The following KCNQ1 variants were observed in gnomAD, a reference collection of about 807,000 sequenced individuals.
KCNQ1 encodes potassium voltage-gated channel subfamily Q member 1.
Under a neutral mutation model 72.4 loss-of-function variants are expected in KCNQ1, and 49 were observed. The observed-to-expected ratio is 0.68, with a 90% CI of 0.54 to 0.86. KCNQ1 has a LOEUF of 0.86. Ranked by LOEUF, KCNQ1 falls within the 40% of genes least tolerant of loss-of-function variation. The probability of loss-of-function intolerance (pLI) is 0.00; values close to 1 mark genes in which losing one functional copy is unlikely to be tolerated. For missense variants in KCNQ1, 790 were observed against 945.1 expected (o/e 0.84, Z 2.15); for synonymous variants, 450 against 412.6 (o/e 1.09, Z -1.10).
chr11:2,619,379 C>T (rs559268559), intron 10 of KCNQ1: 17 of 398,422 alleles, frequency 4.3e-5, no homozygotes, highest in Non-Finnish European at 7.1e-5. Flanking sequence ...AATTTATCAA[C>T]AAAGGATGTT....
chr11:2,835,821 C>T (rs2134075046), intron 15 of KCNQ1, among the ~76,000 whole-genome samples: 1 of 152,278 alleles, frequency 6.6e-6, no homozygotes, highest in East Asian at 1.9e-4. Flanking sequence ...GGCGGGGCAG[C>T]GGGCTCAGCC....
At chr11:2,578,182 G>A (rs990797563) in intron 6 of KCNQ1, among the ~76,000 whole-genome samples, 8 of 152,342 alleles carry the variant, frequency 5.3e-5, no homozygotes, top group South Asian at 2.1e-4. Flanking sequence ...CAGGCAGCCC[G>A]TGAGAAGTGT....
chr11:2,525,027 G>A (rs1359442817), intron 1 of KCNQ1, among the ~76,000 whole-genome samples: 1 of 152,242 alleles, frequency 6.6e-6, no homozygotes, highest in African/African-American at 2.4e-5. Flanking sequence ...AGGATTAAGT[G>A]TGGCAGTCAT....
chr11:2,532,294 G>C (rs892642556), intron 2 of KCNQ1, among the ~76,000 whole-genome samples: 3 of 152,178 alleles, frequency 2.0e-5, no homozygotes, highest in African/African-American at 7.2e-5. Context: ...GTCCCTCCCT[G>C]CATCAAATGC....
chr11:2,533,435 A>G (rs1449859737), intron 2 of KCNQ1, among the ~76,000 whole-genome samples: 1 of 152,180 alleles, frequency 6.6e-6, no homozygotes, highest in Non-Finnish European at 1.5e-5. Flanking sequence ...CTGGGCTGCA[A>G]AGAGGGCCCC....
At chr11:2,833,871 A>G (rs903771054) in intron 15 of KCNQ1, among the ~76,000 whole-genome samples, 1 of 152,022 alleles carries the variant, frequency 6.6e-6, no homozygotes, top group Admixed American at 6.5e-5. Flanking sequence ...AGCGGCGGGG[A>G]GCGGGGCTTG....
chr11:2,630,442 G>C (rs1849334564), intron 10 of KCNQ1: 1 of 398,066 alleles, frequency 2.5e-6, no homozygotes, highest in Non-Finnish European at 4.4e-6. Context: ...AGTTGGGATT[G>C]TTCCCTCTTT....
intron 15 of KCNQ1, among the ~76,000 whole-genome samples, chr11:2,805,605 G>A (rs1441910207): frequency 6.6e-6 from 1 of 152,172 alleles, no homozygotes; most frequent in Non-Finnish European, 1.5e-5. Flanking sequence ...CACCACCTTG[G>A]CAGAGTTGAG....
intron 1 of KCNQ1, among the ~76,000 whole-genome samples, chr11:2,500,648 G>A (rs886605582): frequency 6.6e-6 from 1 of 152,132 alleles, no homozygotes; most frequent in Non-Finnish European, 1.5e-5. Context: ...TGATAGGCTG[G>A]ATAAAGAAAA....
chr11:2,835,170 C>T (rs760990848), intron 15 of KCNQ1, among the ~76,000 whole-genome samples: 29 of 152,182 alleles, frequency 1.9e-4, no homozygotes, highest in Non-Finnish European at 4.0e-4. Flanking sequence ...ATCTCCAGGC[C>T]TGGCTTGAGG....
intron 11 of KCNQ1, among the ~76,000 whole-genome samples, chr11:2,763,431 G>T (rs231876): frequency 0.81 from 122,054 of 150,230 alleles, 49,641 homozygotes; most frequent in Middle Eastern, 0.85. Flanking sequence ...AAGAAAGAAA[G>T]AAAGAAAGAT....
chr11:2,478,152 G>A lies in KCNQ1; in HGVS notation c.386+32668G>A, dbSNP rs749641438. Among the ~76,000 whole-genome samples the A allele has an allele frequency of 6.6e-6, 1 of 152,144 alleles. No homozygotes were observed. The highest frequency in any genetic ancestry group is 1.5e-5 in the Non-Finnish European group (1 of 68,030). ...GCCAAAGACACAGCTGTCCAGGGTC[G>A]AATCATCCGGAGACACAGGGCAAAC... On this transcript the variant is annotated intron_variant, in intron 1 of 15. Transcript: ENST00000155840. This position sits in a 1 kb window ranked among gnomAD's most constrained non-coding sequence, Gnocchi z 4.0.
chr11:2,576,075 G>C (rs182639514), intron 6 of KCNQ1, among the ~76,000 whole-genome samples: 83 of 152,362 alleles, frequency 5.4e-4, no homozygotes, highest in African/African-American at 1.9e-3. Flanking sequence ...GGTGATCCAG[G>C]AGGAGCTCAT....
rs1850155610 is a variant in KCNQ1, at chr11:2,670,214, G to A, written c.1514+8133G>A. ...CAGAGTGAAGAGCAGGGCGAGCTGT[G>A]TAGCTCACCTGCCTTTGACCCTGCA... On this transcript the variant is annotated intron_variant, in intron 11 of 15. Transcript: ENST00000155840. This position sits in a 1 kb window ranked among gnomAD's most constrained non-coding sequence, Gnocchi z 4.9. The A allele has an allele frequency of 2.5e-6, 1 of 398,496 alleles. No individual in the cohort carries two copies. The highest frequency in any genetic ancestry group is 4.4e-6 in the Non-Finnish European group (1 of 226,092). 24.7% of individuals were successfully genotyped at this position (398,496 alleles called of 1,614,324 possible).
At position 2,593,467 on chromosome 11, in the gene KCNQ1, G is replaced by A. The variant is rs1257324059; in HGVS notation, c.1393+4613G>A. Among the ~76,000 whole-genome samples, 1 of 152,216 alleles carries A rather than the reference G, an allele frequency of 6.6e-6. No individual in the cohort carries two copies. Among genetic ancestry groups the A allele is most frequent in the African/African-American group, 2.4e-5 (1 of 41,464 alleles). ...CAGCACGCACCTTTCCACCTGGCCT[G>A]GAGGTGATTCTGAAGGGCTTCTGGG... is the stretch of plus-strand genomic sequence containing the variant. On this transcript the variant is annotated intron_variant, in intron 10 of 15. Transcript: ENST00000155840. The surrounding 1 kb of genome is among the most constrained non-coding windows in gnomAD (Gnocchi z 6.9).
chr11:2,765,436 T>C (rs1229440198), intron 11 of KCNQ1, among the ~76,000 whole-genome samples: 1 of 152,214 alleles, frequency 6.6e-6, no homozygotes, highest in Non-Finnish European at 1.5e-5. Context: ...TTGGTACATG[T>C]TCTGTGTGCA....
intron 15 of KCNQ1, among the ~76,000 whole-genome samples, chr11:2,794,852 A>G (rs998016483): frequency 6.6e-6 from 1 of 152,046 alleles, no homozygotes; most frequent in African/African-American, 2.4e-5. Flanking sequence ...TAGCGGAGGG[A>G]AAGACGGGAG....
rs1394981193 is a variant in KCNQ1, at chr11:2,655,258, T to C, written c.1394-6703T>C. The C allele has an allele frequency of 7.5e-6, 3 of 398,474 alleles. No homozygotes were observed. The East Asian group carries it at 1.1e-4, about 14-fold the overall frequency. The allele number at this position is 398,474 out of a possible 1,614,324, so 24.7% of individuals were successfully genotyped here. A position where few individuals can be genotyped will look rare whatever the true frequency, so the allele number is the denominator to read the frequency against. ...GCCTTTGCCATCCCAGACCTCCCACTTTCCTAGAAAACAAAATTGTTTTGT... is the reference window on the plus strand; with the variant it reads ...GCCTTTGCCATCCCAGACCTCCCACCTTCCTAGAAAACAAAATTGTTTTGT... On this transcript the variant is annotated intron_variant, in intron 10 of 15. Transcript: ENST00000155840.
rs1370308733 is a variant in KCNQ1, at chr11:2,750,652, C to A, written c.1515-18192C>A. 1.3e-5 allele frequency among the ~76,000 whole-genome samples: 2 copies of A among 152,206 alleles called. No individual in the cohort carries two copies. Among genetic ancestry groups the A allele is most frequent in the African/African-American group, 4.8e-5 (2 of 41,460 alleles). Reference sequence around the variant, plus strand: ...AGAAGCCCATGTCATTCTTCTGAGACATTAGGGGTTTTCTCTCCCTTGTTT... The same window carrying A: ...AGAAGCCCATGTCATTCTTCTGAGAAATTAGGGGTTTTCTCTCCCTTGTTT... On this transcript the variant is annotated intron_variant, in intron 11 of 15. Transcript: ENST00000155840. This position sits in a 1 kb window ranked among gnomAD's most constrained non-coding sequence, Gnocchi z 6.3.
Sources: allele counts gnomAD v4.1 joint callset (sites outside exome capture counted in the v4.1 genomes callset), GRCh38; gene constraint gnomAD v4.1.1; non-coding constraint Gnocchi (gnomAD v3.1); transcripts MANE v1.5; gene names NCBI Gene and HGNC (gene_info 2026-07-23, HGNC 2026-07-21).